The following SGCD variants were observed in gnomAD, a reference collection of about 807,000 sequenced individuals.
The protein encoded by SGCD is sarcoglycan delta.
Under a neutral mutation model 36.6 loss-of-function variants are expected in SGCD, and 18 were observed. The ratio of observed to expected loss-of-function variants is 0.49; its 90% CI spans 0.34 to 0.73. The LOEUF (loss-of-function observed/expected upper bound fraction) is 0.73. Among genes scored for constraint, SGCD ranks in the 30% least tolerant of loss-of-function variants. The pLI, the probability that SGCD is intolerant of heterozygous loss-of-function variation, is 0.01. For synonymous variants in SGCD, 133 were observed against 130.6 expected (o/e 1.02, Z -0.12); for missense variants, 387 against 346.7 (o/e 1.12, Z -0.92).
intron 1 of SGCD, among the ~76,000 whole-genome samples, chr5:155,893,910 C>T (rs188156847): frequency 5.3e-5 from 8 of 152,328 alleles, no homozygotes; most frequent in Admixed American, 2.6e-4. Context: ...CAGCATGTTA[C>T]TGTACTGAAT....
chr5:156,269,469 C>CACAAAAAA (rs1766100918), intron 3 of SGCD, among the ~76,000 whole-genome samples: 1 of 30,466 alleles, frequency 3.3e-5, no homozygotes, highest in African/African-American at 1.2e-4. Flanking sequence ...GACTCCGTCT[C>CACAAAAAA]AAAAAAAAAA....
At chr5:156,164,887 T>A (rs1001790157) in intron 3 of SGCD, among the ~76,000 whole-genome samples, 9 of 152,210 alleles carry the variant, frequency 5.9e-5, no homozygotes. Flanking sequence ...CATAAATTTA[T>A]AAATAATTGG....
the SGCD span, among the ~76,000 whole-genome samples, chr5:155,830,632 T>C: frequency 6.6e-6 from 1 of 152,240 alleles, no homozygotes; most frequent in Non-Finnish European, 1.5e-5. Flanking sequence ...TTTGATCATT[T>C]AGTTTTTAAA....
chr5:156,171,915 C>A (rs1419931901), intron 3 of SGCD, among the ~76,000 whole-genome samples: 1 of 151,970 alleles, frequency 6.6e-6, no homozygotes, highest in African/African-American at 2.4e-5. Context: ...AGTCAGTAAC[C>A]CTAGGGAGTA....
intron 4 of SGCD, among the ~76,000 whole-genome samples, chr5:156,553,261 G>T (rs1345435803): frequency 1.3e-5 from 2 of 152,240 alleles, no homozygotes; most frequent in East Asian, 3.9e-4. Context: ...CATCAGTAGG[G>T]ATCACATTTC....
rs74680270 is a variant in SGCD at position 156,214,795 on chromosome 5, G to A, written c.-44+90776G>A. On this transcript the variant is annotated intron_variant, in intron 3 of 9. Transcript: ENST00000517913. ...ATAGAGACTCCAGAAATAAATCCAC[G>A]CATTTACAGTTATTGATCTTTGACA... Among the ~76,000 whole-genome samples the A allele has an allele frequency of 3.4e-3, 520 of 151,998 alleles. 3 individuals carry two copies. Among genetic ancestry groups the A allele is most frequent in the Admixed American group, 7.8e-3 (119 of 15,282 alleles).
the SGCD span, among the ~76,000 whole-genome samples, chr5:155,788,648 A>C: frequency 6.6e-6 from 1 of 152,124 alleles, no homozygotes; most frequent in Non-Finnish European, 1.5e-5. Context: ...CTATTTTTTC[A>C]TTTAAATGTG....
At chr5:155,846,632 C>A in the SGCD span, among the ~76,000 whole-genome samples, 2 of 152,178 alleles carry the variant, frequency 1.3e-5, no homozygotes, top group African/African-American at 4.8e-5. Flanking sequence ...CTCATTGGTT[C>A]TCAGAGGGTG....
chr5:156,262,916 TG>T (rs1765903383), intron 3 of SGCD, among the ~76,000 whole-genome samples: 11 of 152,046 alleles, frequency 7.2e-5, no homozygotes, highest in Non-Finnish European at 1.5e-4. Flanking sequence ...TGTGTGTGTG[TG>T]TGTGTGTATA....
At chr5:156,747,435 C>T (rs1239650639) in intron 7 of SGCD, among the ~76,000 whole-genome samples, 1 of 152,182 alleles carries the variant, frequency 6.6e-6, no homozygotes, top group Admixed American at 6.5e-5. Context: ...TTGGACAGGG[C>T]AGTGATCTTA....
intron 1 of SGCD, among the ~76,000 whole-genome samples, chr5:155,900,801 T>C (rs1756372401): frequency 6.6e-6 from 1 of 152,088 alleles, no homozygotes; most frequent in African/African-American, 2.4e-5. Flanking sequence ...ATTTTTATTA[T>C]TCAATAAAGA....
intron 6 of SGCD, among the ~76,000 whole-genome samples, chr5:156,615,703 C>T (rs1180033089): frequency 6.6e-6 from 1 of 152,182 alleles, no homozygotes; most frequent in Non-Finnish European, 1.5e-5. Context: ...TGTTCCTGCT[C>T]TCTATGGGAG....
chr5:156,728,761 C>G (rs1355361022), intron 7 of SGCD, among the ~76,000 whole-genome samples: 3 of 152,136 alleles, frequency 2.0e-5, no homozygotes, highest in African/African-American at 7.2e-5. Flanking sequence ...TCCCTCACTA[C>G]CCCAGGATTC....
At chr5:156,168,641 C>T (rs1763269390) in intron 3 of SGCD, among the ~76,000 whole-genome samples, 1 of 152,168 alleles carries the variant, frequency 6.6e-6, no homozygotes, top group Non-Finnish European at 1.5e-5. Context: ...GTGTGTGCTA[C>T]CAAGAAACAA....
At chr5:155,776,388 T>A in the SGCD span, among the ~76,000 whole-genome samples, 1 of 152,154 alleles carries the variant, frequency 6.6e-6, no homozygotes, top group African/African-American at 2.4e-5. Flanking sequence ...ACAGTTATCA[T>A]CCTCTTCACA....
chr5:156,759,427 G>T lies in SGCD; in HGVS notation c.*37G>T, dbSNP rs1307690597. 1 of 1,488,120 alleles carries T rather than the reference G, an allele frequency of 6.7e-7. No individual in the cohort carries two copies. Among genetic ancestry groups the T allele is most frequent in the African/African-American group, 1.4e-5 (1 of 71,406 alleles). 92.2% of individuals were successfully genotyped at this position (1,488,120 alleles called of 1,614,324 possible). On this transcript the variant is annotated 3_prime_UTR_variant, in exon 9 of 9. Transcript: ENST00000337851. ...TAGTGGACATTGTTGGCAGCATAAA[G>T]GCCTTTTTTGGCTTTAGACACTGGC...
intron 7 of SGCD, among the ~76,000 whole-genome samples, chr5:156,710,509 C>T (rs577956071): frequency 6.6e-6 from 1 of 152,236 alleles, no homozygotes; most frequent in East Asian, 1.9e-4. Context: ...AGAACACGTG[C>T]CCAAGGTGGT....
At chr5:156,387,763 T>A (rs935720449) in intron 3 of SGCD, among the ~76,000 whole-genome samples, 2 of 152,162 alleles carry the variant, frequency 1.3e-5, no homozygotes, top group South Asian at 4.1e-4. Flanking sequence ...AATATCCTTA[T>A]TTAGGGGAAT....
chr5:155,870,147 CA>C (rs140722058), upstream of SGCD, among the ~76,000 whole-genome samples: 58 of 152,294 alleles, frequency 3.8e-4, 1 homozygote, highest in African/African-American at 1.3e-3. Context: ...GGTGAGAGCA[CA>C]GACTCTGGAG....
Sources: gnomAD v4.1 joint callset for allele counts (sites outside exome capture counted in the v4.1 genomes callset) on GRCh38, gnomAD v4.1.1 for gene constraint, MANE v1.5 for transcripts, NCBI Gene and HGNC (gene_info 2026-07-23, HGNC 2026-07-21) for gene names.